The following ZFYVE16 variants were observed in gnomAD, a reference collection of about 807,000 sequenced individuals.
ZFYVE16 encodes zinc finger FYVE domain-containing protein 16.
ZFYVE16 carries 89 observed loss-of-function variants against 138.1 expected under a neutral mutation model. The ratio of observed to expected loss-of-function variants is 0.64; its 90% CI spans 0.54 to 0.77. The LOEUF is 0.77. Among genes scored for constraint, ZFYVE16 ranks in the 30% least tolerant of loss-of-function variants. The pLI, the probability that ZFYVE16 is intolerant of heterozygous loss-of-function variation, is 0.00. For synonymous variants in ZFYVE16, 596 were observed against 618.3 expected, an observed-to-expected ratio of 0.96 and a Z score of 0.53; for missense variants, 1,793 against 1,786.7, an observed-to-expected ratio of 1.00 and a Z score of -0.06.
intron 5 of ZFYVE16, chr5:80,441,114 A>C: frequency 2.0e-6 from 2 of 985,446 alleles, no homozygotes; most frequent in Non-Finnish European, 2.4e-6. Flanking sequence ...AGCCTAGAAG[A>C]TGACTGCTGG....
Position 80,472,942 on chromosome 5 carries a change from T to C in ZFYVE16, c.4187+19T>C, listed in dbSNP as rs1754532538. The C allele has an allele frequency of 1.9e-6, 3 of 1,564,454 alleles. No individual in the cohort carries two copies. Among genetic ancestry groups the C allele is most frequent in the East Asian group, 4.5e-5 (2 of 44,292 alleles). ...ACAAAGGGTAGGAATTTTTTTATTCTAAAATATAATTGATTTGAAGGAAAG... is the reference window on the plus strand; with the variant it reads ...ACAAAGGGTAGGAATTTTTTTATTCCAAAATATAATTGATTTGAAGGAAAG... On this transcript the variant is annotated intron_variant, in intron 16 of 18. Transcript: ENST00000505560.
At chr5:80,439,496 A>G (rs1001153316) in intron 4 of ZFYVE16, among the ~76,000 whole-genome samples, 6 of 152,198 alleles carry the variant, frequency 3.9e-5, no homozygotes, top group Non-Finnish European at 5.9e-5. Context: ...AAGATTGTCT[A>G]TAAATTCTAA....
At position 80,441,942 on chromosome 5, in the gene ZFYVE16, G is replaced by C. The variant is rs1049942140; in HGVS notation, c.2420-1181G>C. On this transcript the variant is annotated intron_variant, in intron 5 of 18. Transcript: ENST00000505560. ...GTATTCAGGCACTATTCTGCATTCT[G>C]AAGTTCAAGCAGAGAGCAAAATAGA... 3.0e-6 allele frequency: 3 copies of C among 984,774 alleles called. No homozygotes were observed. In the African/African-American group the frequency reaches 5.2e-5, roughly 17 times the overall value. 61.0% of individuals were successfully genotyped at this position (984,774 alleles called of 1,614,324 possible). A position where few individuals can be genotyped will look rare whatever the true frequency, so the allele number is the denominator to read the frequency against.
At chr5:80,445,718 G>A (rs2112427253) in intron 7 of ZFYVE16, among the ~76,000 whole-genome samples, 1 of 150,850 alleles carries the variant, frequency 6.6e-6, no homozygotes, top group South Asian at 2.1e-4. Flanking sequence ...GAGCCACCAT[G>A]CCTGGTTTAG....
chr5:80,426,342 T>C (rs1278511368), intron 1 of ZFYVE16, among the ~76,000 whole-genome samples: 1 of 151,562 alleles, frequency 6.6e-6, no homozygotes, highest in East Asian at 1.9e-4. Flanking sequence ...GCAGGTTTGT[T>C]ACATAGGTAA....
Position 80,425,160 on chromosome 5 carries a change from T to G in ZFYVE16, c.-93-2332T>G, listed in dbSNP as rs548135020. On this transcript the variant is annotated intron_variant, in intron 1 of 18. Transcript: ENST00000505560. ...AGTTGTTCCATGCTGTCTTTTCTCCTTAGAGTACTCCATTCTCATTTTGTC... is the reference window on the plus strand; with the variant it reads ...AGTTGTTCCATGCTGTCTTTTCTCCGTAGAGTACTCCATTCTCATTTTGTC... Among the ~76,000 whole-genome samples the G allele has an allele frequency of 2.2e-4, 34 of 152,352 alleles. 1 individual carries two copies. In the South Asian group the frequency reaches 6.6e-3, roughly 30 times the overall value.
At chr5:80,414,779 A>G (rs1474642616) in intron 1 of ZFYVE16, among the ~76,000 whole-genome samples, 1 of 152,194 alleles carries the variant, frequency 6.6e-6, no homozygotes, top group Admixed American at 6.5e-5. Flanking sequence ...GGAGTTTGTA[A>G]AGTAAATAAC....
At chr5:80,428,124 G>A (rs144501439) in intron 2 of ZFYVE16, among the ~76,000 whole-genome samples, 160 of 152,130 alleles carry the variant, frequency 1.1e-3, no homozygotes, top group African/African-American at 3.3e-3. Flanking sequence ...CTCCCAGCAC[G>A]GAGTTTGAGA....
At chr5:80,462,348 T>C (rs1040271646) in intron 15 of ZFYVE16, among the ~76,000 whole-genome samples, 63 of 152,250 alleles carry the variant, frequency 4.1e-4, no homozygotes, top group African/African-American at 1.4e-3. Context: ...GCAAGGCACC[T>C]TCTTCACAAG....
chr5:80,433,840 ATTC>A (rs1302240587), intron 2 of ZFYVE16, among the ~76,000 whole-genome samples: 2 of 152,270 alleles, frequency 1.3e-5, no homozygotes, highest in South Asian at 2.1e-4. Context: ...TCCATTATGA[ATTC>A]TTCTTTGACC....
At position 80,452,817 on chromosome 5, in the gene ZFYVE16, T is replaced by A. The variant is rs376918571; in HGVS notation, c.3607+1108T>A. 1.1e-4 allele frequency among the ~76,000 whole-genome samples: 17 copies of A among 152,310 alleles called. 1 individual carries two copies. The highest frequency in any genetic ancestry group is 3.8e-4 in the African/African-American group (16 of 41,580). Reference sequence around the variant, plus strand: ...AAGGTGATAGAGCCTGTATCATTCATGTGTATGTACGTGTGTGTATTTACT... The same window carrying A: ...AAGGTGATAGAGCCTGTATCATTCAAGTGTATGTACGTGTGTGTATTTACT... On this transcript the variant is annotated intron_variant, in intron 11 of 18. Transcript: ENST00000505560.
intron 12 of ZFYVE16, 169 bp downstream of exon 12, chr5:80,455,943 C>T (rs1280116947): frequency 2.5e-5 from 15 of 600,604 alleles, no homozygotes; most frequent in African/African-American, 1.4e-4. Context: ...CAGTTTTTGA[C>T]GAATTGCTTT....
chr5:80,437,910 G>A lies in ZFYVE16; in HGVS notation c.1225G>A (p.Asp409Asn). 6.2e-7 allele frequency: 1 copy of A among 1,614,008 alleles called. No individual in the cohort carries two copies. Among genetic ancestry groups the A allele is most frequent in the Non-Finnish European group, 8.5e-7 (1 of 1,179,944 alleles). Residue 409 changes from aspartate (D) to asparagine (N), a missense_variant, in exon 4 of 19, where the codon GAT (aspartate) becomes AAT (asparagine). Asp to Asn is a conservative substitution (Grantham distance 23). Transcript: ENST00000505560. ...PQHEHKDNIQ[D>N]AVTIHEEIQN... ...GCATGAACATAAAGATAATATACAA[G>A]ATGCAGTGACTATACATGAAGAAAT...
chr5:80,421,799 A>G (rs962814317), intron 1 of ZFYVE16, among the ~76,000 whole-genome samples: 6 of 152,126 alleles, frequency 3.9e-5, no homozygotes, highest in African/African-American at 1.4e-4. Context: ...GTTCCATATG[A>G]ACTTTAAAGT....
intron 15 of ZFYVE16, among the ~76,000 whole-genome samples, chr5:80,465,396 C>CTTTGTTTTTTT (rs1753593679): frequency 1.9e-4 from 5 of 26,408 alleles, no homozygotes; most frequent in Admixed American, 1.1e-3. Context: ...TTTTCCTTTT[C>CTTTGTTTTTTT]TTTGTTTTTT....
Position 80,479,691 on chromosome 5 carries a change from C to G in ZFYVE16, c.*2314C>G, listed in dbSNP as rs377536999. Among the ~76,000 whole-genome samples the G allele has an allele frequency of 6.6e-6, 1 of 152,216 alleles. No individual in the cohort carries two copies. Among genetic ancestry groups the G allele is most frequent in the African/African-American group, 2.4e-5 (1 of 41,550 alleles). On this transcript the variant is annotated 3_prime_UTR_variant, in exon 19 of 19. Coordinates refer to ENST00000505560, the MANE Select transcript of ZFYVE16 (RefSeq NM_001284236.3). ...ATCTTAAAACATCAAAGAGATTTTCCAGACAATAAGGAATGCCAAGTCCAA... is the reference window on the plus strand; with the variant it reads ...ATCTTAAAACATCAAAGAGATTTTCGAGACAATAAGGAATGCCAAGTCCAA...
At chr5:80,416,887 C>CA (rs1042079088) in intron 1 of ZFYVE16, among the ~76,000 whole-genome samples, 1 of 152,074 alleles carries the variant, frequency 6.6e-6, no homozygotes, top group Non-Finnish European at 1.5e-5. Context: ...TCTAAGCTGA[C>CA]AAACACAAGG....
intron 12 of ZFYVE16, chr5:80,456,103 C>T (rs1339412051): frequency 3.3e-6 from 1 of 303,052 alleles, no homozygotes; most frequent in Non-Finnish European, 6.0e-6. Flanking sequence ...TTAGTAAAGT[C>T]AGTCAGTCTT....
rs1755266901 is a variant in ZFYVE16, at chr5:80,481,455, G to A, written c.*4078G>A. ...TTCTGAACACTGAATTACAGTGTAGGCCACTGTCCAAGTTTCAGATTGGCC... is the reference window on the plus strand; with the variant it reads ...TTCTGAACACTGAATTACAGTGTAGACCACTGTCCAAGTTTCAGATTGGCC... On this transcript the variant is annotated 3_prime_UTR_variant, in exon 19 of 19. Coordinates refer to ENST00000505560, the MANE Select transcript of ZFYVE16 (RefSeq NM_001284236.3). Among the ~76,000 whole-genome samples, 2 of 151,994 alleles carry A rather than the reference G, an allele frequency of 1.3e-5. No individual in the cohort carries two copies. The highest frequency in any genetic ancestry group is 4.2e-4 in the South Asian group (2 of 4,804).
Sources: allele counts gnomAD v4.1 joint callset (sites outside exome capture counted in the v4.1 genomes callset), GRCh38; gene constraint gnomAD v4.1.1; transcripts MANE v1.5; gene names NCBI Gene and HGNC (gene_info 2026-07-23, HGNC 2026-07-21).